The following SAMD5 variants were observed in gnomAD, a reference collection of about 807,000 sequenced individuals.
SAMD5 encodes the protein sterile alpha motif domain-containing protein 5.
SAMD5 carries 13 observed loss-of-function variants against 11.3 expected under a neutral mutation model. The observed-to-expected ratio is 1.15, with a 90% CI of 0.75 to 1.83. SAMD5 has a LOEUF of 1.83. Among genes scored for constraint, SAMD5 ranks in the 40% most tolerant of loss-of-function variants. The pLI, the probability that SAMD5 is intolerant of heterozygous loss-of-function variation, is 0.00. For missense variants in SAMD5, 255 were observed against 239.1 expected (o/e 1.07, Z -0.44); for synonymous variants, 129 against 111.3 (o/e 1.16, Z -1.00).
chr6:147,909,730 C>G, the SAMD5 span, among the ~76,000 whole-genome samples: 19 of 151,832 alleles, frequency 1.3e-4, no homozygotes, highest in Non-Finnish European at 2.6e-4. Context: ...ATTGTCCATA[C>G]TGCTTTTACA....
chr6:147,569,739 T>G lies in SAMD5; in HGVS notation c.*5283T>G. 1 of 985,402 alleles carries G rather than the reference T, an allele frequency of 1.0e-6. No homozygotes were observed. Among genetic ancestry groups the G allele is most frequent in the Non-Finnish European group, 1.2e-6 (1 of 829,880 alleles). 61.0% of individuals were successfully genotyped at this position (985,402 alleles called of 1,614,324 possible). ...ATTATTCATAGAAAATTTCTGCCCC[T>G]ACAGAAGTGTGTGCATGGGCCTTGG... On this transcript the variant is annotated 3_prime_UTR_variant, in exon 2 of 2. Coordinates refer to ENST00000367474, the MANE Select transcript of SAMD5 (RefSeq NM_001030060.3).
the SAMD5 span, among the ~76,000 whole-genome samples, chr6:147,816,301 A>AAAAAAAAAAAATAT: frequency 2.6e-4 from 17 of 66,346 alleles, no homozygotes; most frequent in African/African-American, 1.1e-3. Context: ...AAAAAAAAAA[A>AAAAAAAAAAAATAT]ATATATATAT....
intron 1 of SAMD5, among the ~76,000 whole-genome samples, chr6:147,659,733 ATCTC>A (rs1053394111): frequency 3.9e-5 from 6 of 152,174 alleles, no homozygotes; most frequent in Non-Finnish European, 8.8e-5. Flanking sequence ...TCTTGGAAAT[ATCTC>A]TCTCTATATA....
At chr6:147,780,868 A>G in the SAMD5 span, among the ~76,000 whole-genome samples, 2 of 152,182 alleles carry the variant, frequency 1.3e-5, no homozygotes, top group African/African-American at 2.4e-5. Flanking sequence ...TGACATGCTA[A>G]TTCTTTGATT....
chr6:147,573,780 A>C (rs970285), downstream of SAMD5, among the ~76,000 whole-genome samples: 50,617 of 152,056 alleles, frequency 0.33, 8,479 homozygotes, highest in East Asian at 0.36. Context: ...AACAGAAAAG[A>C]AGTTTGTGAC....
the SAMD5 span, among the ~76,000 whole-genome samples, chr6:147,844,163 C>A: frequency 6.6e-6 from 1 of 152,054 alleles, no homozygotes; most frequent in African/African-American, 2.4e-5. Context: ...ACAAATAACC[C>A]TATTACTAAT....
the SAMD5 span, among the ~76,000 whole-genome samples, chr6:147,899,941 G>T: frequency 6.6e-6 from 1 of 152,208 alleles, no homozygotes; most frequent in Non-Finnish European, 1.5e-5. Context: ...CAGCTCCAGG[G>T]AGGCAGGCAA....
At chr6:147,909,612 CTTTCTTTCTTTCT>C in the SAMD5 span, among the ~76,000 whole-genome samples, 1 of 73,032 alleles carries the variant, frequency 1.4e-5, no homozygotes, top group Non-Finnish European at 2.4e-5. Context: ...TTCTTTCTTT[CTTTCTTTCTTTCT>C]TTCTTTCTCT....
At chr6:147,678,090 G>C (rs546612174) in intron 1 of SAMD5, among the ~76,000 whole-genome samples, 1 of 152,256 alleles carries the variant, frequency 6.6e-6, no homozygotes, top group East Asian at 1.9e-4. Context: ...GATATTTATA[G>C]ATGCATTTTC....
At chr6:147,900,251 C>T in the SAMD5 span, among the ~76,000 whole-genome samples, 1 of 152,150 alleles carries the variant, frequency 6.6e-6, no homozygotes, top group Admixed American at 6.5e-5. Flanking sequence ...TGTGACACGT[C>T]GCTTCCATAC....
chr6:147,546,427 G>A lies in SAMD5; in HGVS notation c.460-17967G>A, dbSNP rs570514334. Among the ~76,000 whole-genome samples the A allele has an allele frequency of 2.0e-5, 3 of 152,184 alleles. No individual in the cohort carries two copies. The South Asian group carries it at 6.2e-4, about 32-fold the overall frequency. On this transcript the variant is annotated intron_variant, in intron 1 of 1. Transcript: ENST00000367474. ...TGCCTGTAATCTCAGCTACTTGGGAGGCTGAGGCAGGAGAATCTCTTGAAC... is the reference window on the plus strand; with the variant it reads ...TGCCTGTAATCTCAGCTACTTGGGAAGCTGAGGCAGGAGAATCTCTTGAAC...
intron 1 of SAMD5, among the ~76,000 whole-genome samples, chr6:147,604,071 T>C (rs1361263059): frequency 6.6e-6 from 1 of 152,218 alleles, no homozygotes; most frequent in Non-Finnish European, 1.5e-5. Flanking sequence ...TAATCTGGAA[T>C]ATAGGCTTAA....
chr6:147,916,554 TA>T, the SAMD5 span, among the ~76,000 whole-genome samples: 1 of 152,128 alleles, frequency 6.6e-6, no homozygotes, highest in African/African-American at 2.4e-5. Context: ...ATGTCTTTTT[TA>T]AAATTTTATT....
chr6:147,532,930 A>G (rs1057362064), intron 1 of SAMD5, among the ~76,000 whole-genome samples: 1 of 152,128 alleles, frequency 6.6e-6, no homozygotes, highest in Non-Finnish European at 1.5e-5. Flanking sequence ...CATTTTTATT[A>G]TGGTTACTTC....
At chr6:147,823,729 C>T in the SAMD5 span, among the ~76,000 whole-genome samples, 7 of 152,256 alleles carry the variant, frequency 4.6e-5, no homozygotes, top group East Asian at 1.3e-3. Flanking sequence ...AATCTAAATG[C>T]TATTTTATCT....
chr6:147,674,525 A>G (rs538698961), intron 1 of SAMD5, among the ~76,000 whole-genome samples: 189 of 152,272 alleles, frequency 1.2e-3, no homozygotes, highest in Non-Finnish European at 2.3e-3. Context: ...ATGCACTCCA[A>G]CCAGGGTTTT....
chr6:147,606,469 G>A (rs1481452980), intron 1 of SAMD5, among the ~76,000 whole-genome samples: 1 of 150,966 alleles, frequency 6.6e-6, no homozygotes, highest in Admixed American at 6.6e-5. Context: ...GTCCTTAATT[G>A]CAATAATCTT....
intron 1 of SAMD5, among the ~76,000 whole-genome samples, chr6:147,617,456 T>C (rs1789889729): frequency 6.6e-6 from 1 of 152,236 alleles, no homozygotes; most frequent in African/African-American, 2.4e-5. Context: ...AGAACATAAT[T>C]ATGCCATTTC....
chr6:147,790,957 G>A, the SAMD5 span, among the ~76,000 whole-genome samples: 3 of 151,976 alleles, frequency 2.0e-5, no homozygotes, highest in African/African-American at 4.8e-5. Flanking sequence ...AGTATTGTGT[G>A]TGTATGTAAA....
Sources: gnomAD v4.1 joint callset for allele counts (sites outside exome capture counted in the v4.1 genomes callset) on GRCh38, gnomAD v4.1.1 for gene constraint, MANE v1.5 for transcripts, NCBI Gene and HGNC (gene_info 2026-07-23, HGNC 2026-07-21) for gene names.